Variants in FAF2 observed in about 807,000 individuals in gnomAD.
FAF2 encodes FAS-associated factor 2.
A neutral mutation model predicts 62.3 loss-of-function variants in FAF2; 9 were observed. The ratio of observed to expected loss-of-function variants is 0.14; its 90% CI spans 0.09 to 0.25. FAF2 has a LOEUF of 0.25. FAF2 is among the 10% of genes least tolerant of loss of function. The pLI, the probability that FAF2 is intolerant of heterozygous loss-of-function variation, is 1.00. For missense variants in FAF2, 368 were observed against 556.2 expected (o/e 0.66, Z 3.40); for synonymous variants, 202 against 198.0 (o/e 1.02, Z -0.17).
chr5:176,449,349 A>G (rs917469458), intron 1 of FAF2, among the ~76,000 whole-genome samples: 1 of 152,108 alleles, frequency 6.6e-6, no homozygotes, highest in African/African-American at 2.4e-5. Flanking sequence ...GGCCAAGGCC[A>G]GCGAATCACG....
At chr5:176,475,795 A>G (rs1758678736) in intron 1 of FAF2, among the ~76,000 whole-genome samples, 1 of 152,162 alleles carries the variant, frequency 6.6e-6, no homozygotes, top group Non-Finnish European at 1.5e-5. Context: ...ATTACTATCA[A>G]TACCACGGAT....
Position 176,486,581 on chromosome 5 carries a change from A to G in FAF2, c.267+92A>G, listed in dbSNP as rs181633584. ...ATCTCCCTGTGACAGGAGCAAAACAAATATTTAGAATGTAAACCTGTTAGT... is the reference window on the plus strand; with the variant it reads ...ATCTCCCTGTGACAGGAGCAAAACAGATATTTAGAATGTAAACCTGTTAGT... On this transcript the variant is annotated intron_variant, in intron 3 of 10. Coordinates refer to ENST00000261942, the MANE Select transcript of FAF2 (RefSeq NM_014613.3). The G allele has an allele frequency of 8.4e-6, 11 of 1,302,490 alleles. No homozygotes were observed. In the East Asian group the frequency reaches 9.6e-5, roughly 11 times the overall value. The allele number at this position is 1,302,490 out of a possible 1,614,324, so 80.7% of individuals were successfully genotyped here. A position where few individuals can be genotyped will look rare whatever the true frequency, so the allele number is the denominator to read the frequency against.
Position 176,494,782 on chromosome 5 carries a change from A to G in FAF2, c.661+507A>G, listed in dbSNP as rs2913897. 0.5 allele frequency among the ~76,000 whole-genome samples: 75,591 copies of G among 151,772 alleles called. 18,880 individuals are homozygous for G. The highest frequency in any genetic ancestry group is 0.52 in the Non-Finnish European group (35,427 of 67,926). On this transcript the variant is annotated intron_variant, in intron 7 of 10. Coordinates refer to ENST00000261942, the MANE Select transcript of FAF2 (RefSeq NM_014613.3). The surrounding 1 kb of genome is among the most constrained non-coding windows in gnomAD (Gnocchi z 4.0). ...ATGTAGCCTCAAACTCCTGGACTCAAGTGAGCAGCCCACCTCAGCCTCCCA... is the reference window on the plus strand; with the variant it reads ...ATGTAGCCTCAAACTCCTGGACTCAGGTGAGCAGCCCACCTCAGCCTCCCA...
At chr5:176,484,311 A>G (rs186777977) in intron 2 of FAF2, among the ~76,000 whole-genome samples, 9 of 152,288 alleles carry the variant, frequency 5.9e-5, no homozygotes, top group African/African-American at 1.2e-4. Flanking sequence ...TAAACAATTC[A>G]TAAGTTTTAA....
At chr5:176,488,482 C>T (rs541614443) in intron 3 of FAF2, among the ~76,000 whole-genome samples, 4 of 152,028 alleles carry the variant, frequency 2.6e-5, no homozygotes, top group East Asian at 1.9e-4. Context: ...AGTTCAGTGG[C>T]GCGATCTCAG....
intron 1 of FAF2, among the ~76,000 whole-genome samples, chr5:176,472,719 C>A (rs1480448317): frequency 1.6e-3 from 174 of 108,224 alleles, no homozygotes; most frequent in South Asian, 3.5e-3. Flanking sequence ...TTCATCTCTA[C>A]AAAAAAAAAA....
rs753065295 is a variant in FAF2 at position 176,494,274 on chromosome 5, G to C, written c.660G>C (p.Arg220Ser). The part of the protein sequence containing the change: ...ACSTNKPEGY[R>S]VSQALRENTY... ...CTACAAACAAACCTGAGGGATACAG[G>C]GGTAAGTTATGTTTCTTCTGCCTCA... The change falls in exon 7 of 11, where the codon AGG (arginine) becomes AGC (serine). Residue 220 changes from arginine (R) to serine (S), a missense_variant and splice_region_variant. Arg to Ser is a moderately radical substitution (Grantham distance 110). This residue lies in a region of FAF2 where 331 missense variants were observed against 441.9 expected (regional missense o/e 0.75). Transcript: ENST00000261942. The surrounding 1 kb of genome is among the most constrained non-coding windows in gnomAD (Gnocchi z 4.0). The C allele has an allele frequency of 5.6e-6, 9 of 1,611,432 alleles. No individual in the cohort carries two copies.
At chr5:176,495,273 ATGT>A (rs1759041243) in intron 7 of FAF2, among the ~76,000 whole-genome samples, 1 of 152,186 alleles carries the variant, frequency 6.6e-6, no homozygotes, top group Admixed American at 6.5e-5. Flanking sequence ...GATGTGGCAG[ATGT>A]TGTCCCTGCA....
chr5:176,504,507 C>T (rs1232718568), intron 10 of FAF2, among the ~76,000 whole-genome samples: 1 of 151,900 alleles, frequency 6.6e-6, no homozygotes, highest in Non-Finnish European at 1.5e-5. Context: ...TCGCTTGAGC[C>T]CAGGAGGCAG....
chr5:176,454,210 T>C (rs964588797), intron 1 of FAF2, among the ~76,000 whole-genome samples: 1 of 151,586 alleles, frequency 6.6e-6, no homozygotes, highest in Non-Finnish European at 1.5e-5. Flanking sequence ...CTGACAAACA[T>C]GGTGAAACCC....
intron 2 of FAF2, among the ~76,000 whole-genome samples, chr5:176,483,226 A>G (rs1015130440): frequency 1.3e-5 from 2 of 151,956 alleles, no homozygotes; most frequent in African/African-American, 4.8e-5. Flanking sequence ...CGCATTCATG[A>G]TAGTGTAATT....
intron 9 of FAF2, 82 bp downstream of exon 9, chr5:176,499,167 A>G: frequency 7.5e-7 from 1 of 1,333,634 alleles, no homozygotes; most frequent in Non-Finnish European, 1.0e-6. Flanking sequence ...GAAAGGAAAA[A>G]ATGATAGCCA....
chr5:176,469,577 G>T (rs1758524521), intron 1 of FAF2, among the ~76,000 whole-genome samples: 3 of 152,212 alleles, frequency 2.0e-5, no homozygotes, highest in Non-Finnish European at 4.4e-5. Context: ...AGCCCTTCCA[G>T]TGTAAATTGG....
chr5:176,500,051 C>T lies in FAF2; in HGVS notation c.1060C>T (p.Pro354Ser). ...ERKLECLPPE[P>S]SPDDPESVKI... Reference sequence around the variant, plus strand: ...GAAGTTGGAATGCCTGCCCCCTGAACCTTCCCCTGATGACCCTGAAAGTGT... The same window carrying T: ...GAAGTTGGAATGCCTGCCCCCTGAATCTTCCCCTGATGACCCTGAAAGTGT... Residue 354 changes from proline (P) to serine (S), a missense_variant, in exon 10 of 11, where the codon CCT becomes TCT. This residue lies in a region of FAF2 where 37 missense variants were observed against 114.3 expected (regional missense o/e 0.32). Coordinates refer to ENST00000261942, the MANE Select transcript of FAF2 (RefSeq NM_014613.3). The T allele has an allele frequency of 6.2e-7, 1 of 1,614,194 alleles. No homozygotes were observed. The highest frequency in any genetic ancestry group is 8.5e-7 in the Non-Finnish European group (1 of 1,180,036).
rs540599988 is a variant in FAF2 at position 176,470,648 on chromosome 5, C to A, written c.64-8540C>A. 1.2e-3 allele frequency among the ~76,000 whole-genome samples: 182 copies of A among 152,076 alleles called. 1 individual carries two copies. The highest frequency in any genetic ancestry group is 4.2e-3 in the African/African-American group (175 of 41,330). On this transcript the variant is annotated intron_variant, in intron 1 of 10. Coordinates refer to ENST00000261942, the MANE Select transcript of FAF2 (RefSeq NM_014613.3). ...GTTTAAAAACACACTCACACACACACAAAAACTGATAGAAAACCCAGGTAA... is the reference window on the plus strand; with the variant it reads ...GTTTAAAAACACACTCACACACACAAAAAAACTGATAGAAAACCCAGGTAA...
chr5:176,460,843 T>G (rs1181068586), intron 1 of FAF2, among the ~76,000 whole-genome samples: 1 of 151,882 alleles, frequency 6.6e-6, no homozygotes, highest in East Asian at 1.9e-4. Context: ...TCCCAGCTAC[T>G]TGGGAGGCTG....
chr5:176,460,480 C>G (rs1271120868), intron 1 of FAF2, among the ~76,000 whole-genome samples: 1 of 150,060 alleles, frequency 6.7e-6, no homozygotes, highest in East Asian at 2.0e-4. Flanking sequence ...TTGCATTTCT[C>G]TAATGAGCAG....
chr5:176,474,241 A>T (rs1275654190), intron 1 of FAF2, among the ~76,000 whole-genome samples: 2 of 152,036 alleles, frequency 1.3e-5, no homozygotes, highest in Non-Finnish European at 2.9e-5. Flanking sequence ...GTTATCTGTC[A>T]CCTCTCACTT....
At position 176,506,761 on chromosome 5, in the gene FAF2, T is replaced by G. The variant is rs758231806; in HGVS notation, c.1156-7T>G. On this transcript the variant is annotated splice_region_variant and splice_polypyrimidine_tract_variant and intron_variant, in intron 10 of 10. Coordinates refer to ENST00000261942, the MANE Select transcript of FAF2 (RefSeq NM_014613.3). ...ACCACCCTTCTTTTTCTATATGACCTCTGCAGGTAATCCACGACTTCTTAT... is the reference window on the plus strand; with the variant it reads ...ACCACCCTTCTTTTTCTATATGACCGCTGCAGGTAATCCACGACTTCTTAT... 2.5e-6 allele frequency: 4 copies of G among 1,612,820 alleles called. No individual in the cohort carries two copies. The East Asian group carries it at 8.9e-5, about 36-fold the overall frequency.
Sources: allele counts gnomAD v4.1 joint callset (sites outside exome capture counted in the v4.1 genomes callset), GRCh38; gene constraint gnomAD v4.1.1; regional missense constraint gnomAD v4.1.1; non-coding constraint Gnocchi (gnomAD v3.1); transcripts MANE v1.5; gene names NCBI Gene and HGNC (gene_info 2026-07-23, HGNC 2026-07-21).